The following LATS1 variants were observed in gnomAD, a reference collection of about 807,000 sequenced individuals.
The protein encoded by LATS1 is serine/threonine-protein kinase LATS1.
LATS1 carries 25 observed loss-of-function variants against 106.6 expected under a neutral mutation model. The observed-to-expected ratio is 0.23, with a 90% CI of 0.17 to 0.33. The LOEUF is 0.33. Among genes scored for constraint, LATS1 ranks in the 10% least tolerant of loss-of-function variants. LATS1 has a pLI of 1.00. For missense variants in LATS1, 1,040 were observed against 1,382.6 expected (o/e 0.75, Z 3.93); for synonymous variants, 465 against 455.6 (o/e 1.02, Z -0.26).
chr6:149,709,980 C>G (rs779459782), intron 1 of LATS1, among the ~76,000 whole-genome samples: 1 of 152,012 alleles, frequency 6.6e-6, no homozygotes, highest in Admixed American at 6.6e-5. Flanking sequence ...GCCCACAACC[C>G]CTTATCTTAA....
At chr6:149,693,707 T>C (rs545531536) in intron 3 of LATS1, among the ~76,000 whole-genome samples, 6 of 152,164 alleles carry the variant, frequency 3.9e-5, no homozygotes, top group Admixed American at 3.3e-4. Flanking sequence ...TAAGATGGTG[T>C]TTCCATAACC....
intron 5 of LATS1, among the ~76,000 whole-genome samples, chr6:149,679,330 T>C (rs950731801): frequency 6.6e-6 from 1 of 152,068 alleles, no homozygotes; most frequent in Non-Finnish European, 1.5e-5. Flanking sequence ...GACAGGTGGA[T>C]CACCTGAGGT....
At chr6:149,672,280 G>A (rs1253912990) in intron 7 of LATS1, among the ~76,000 whole-genome samples, 1 of 151,428 alleles carries the variant, frequency 6.6e-6, no homozygotes, top group Non-Finnish European at 1.5e-5. Context: ...CACAATCTTA[G>A]CTCACTGCAA....
At position 149,659,824 on chromosome 6, in the gene LATS1, AT is replaced by A. The variant is rs1393026617; in HGVS notation, c.*1904del. 3 of 225,864 alleles carry A rather than the reference AT, an allele frequency of 1.3e-5. No individual in the cohort carries two copies. In the East Asian group the frequency reaches 1.9e-4, roughly 15 times the overall value. The allele number at this position is 225,864 out of a possible 1,614,324, so 14.0% of individuals were successfully genotyped here. A position where few individuals can be genotyped will look rare whatever the true frequency, so the allele number is the denominator to read the frequency against. On this transcript the variant is annotated 3_prime_UTR_variant, in exon 8 of 8. Transcript: ENST00000543571. ...TTTCATGATAGCACATTGTTTTACAATTCTGATTAGAAATCCTTCAGAAATA... is the reference window on the plus strand; with the variant it reads ...TTTCATGATAGCACATTGTTTTACAATCTGATTAGAAATCCTTCAGAAATA...
At position 149,702,137 on chromosome 6, in the gene LATS1, A is replaced by T; in HGVS notation, c.-11T>A. On this transcript the variant is annotated 5_prime_UTR_variant, in exon 2 of 8. Coordinates refer to ENST00000543571, the MANE Select transcript of LATS1 (RefSeq NM_004690.4). The stretch of plus-strand genomic sequence containing the variant: ...TTCACTCCTCTTCATGAAAACATCT[A>T]TATATGTAGCCCACACGAAGGACTT... The T allele has an allele frequency of 6.4e-7, 1 of 1,558,006 alleles. No homozygotes were observed. Among genetic ancestry groups the T allele is most frequent in the Non-Finnish European group, 8.8e-7 (1 of 1,138,132 alleles).
At chr6:149,688,268 ACCT>A (rs1163299250) in intron 3 of LATS1, among the ~76,000 whole-genome samples, 2 of 150,888 alleles carry the variant, frequency 1.3e-5, no homozygotes, top group Non-Finnish European at 3.0e-5. Flanking sequence ...CTCTGAGATC[ACCT>A]CCTTTTTATT....
Position 149,717,970 on chromosome 6 carries a change from G to T in LATS1, c.-262C>A, listed in dbSNP as rs1253159237. The T allele has an allele frequency of 1.4e-5, 5 of 365,496 alleles. No homozygotes were observed. Among genetic ancestry groups the T allele is most frequent in the African/African-American group, 2.3e-5 (1 of 43,336 alleles). The allele number at this position is 365,496 out of a possible 1,614,324, so 22.6% of individuals were successfully genotyped here. On this transcript the variant is annotated 5_prime_UTR_variant, in exon 1 of 8. Transcript: ENST00000543571. ...GTGGGGCAGAGCGGGGAGACGAACG[G>T]GGGGGCTGCCGCGGGCCAGCGCGGC...
At chr6:149,663,378 G>T (rs913686177) in intron 7 of LATS1, among the ~76,000 whole-genome samples, 2 of 152,078 alleles carry the variant, frequency 1.3e-5, no homozygotes, top group Admixed American at 1.3e-4. Context: ...GCTACTTGAG[G>T]TGGGAGGATG....
chr6:149,672,817 G>A (rs1421529794), intron 7 of LATS1, among the ~76,000 whole-genome samples: 2 of 151,856 alleles, frequency 1.3e-5, no homozygotes, highest in East Asian at 1.9e-4. Flanking sequence ...GGTGGCGCAT[G>A]CCTGTAGTCT....
intron 2 of LATS1, among the ~76,000 whole-genome samples, chr6:149,700,743 T>C (rs1033459258): frequency 2.1e-5 from 1 of 48,340 alleles, no homozygotes; most frequent in African/African-American, 1.1e-4. Context: ...TAGGTAATAT[T>C]TTTGCAATCA....
intron 2 of LATS1, among the ~76,000 whole-genome samples, chr6:149,695,909 C>G (rs1562345539): frequency 6.7e-6 from 1 of 148,700 alleles, no homozygotes; most frequent in Admixed American, 6.7e-5. Flanking sequence ...ATTCTTTTTA[C>G]TTTTTTTTTT....
At chr6:149,672,050 A>T (rs1444386735) in intron 7 of LATS1, among the ~76,000 whole-genome samples, 1 of 151,416 alleles carries the variant, frequency 6.6e-6, no homozygotes, top group African/African-American at 2.4e-5. Context: ...AGCCACACCC[A>T]GCTAATTTTT....
At chr6:149,692,188 A>C (rs1260352757) in intron 3 of LATS1, among the ~76,000 whole-genome samples, 1 of 152,168 alleles carries the variant, frequency 6.6e-6, no homozygotes, top group East Asian at 1.9e-4. Flanking sequence ...CTTAGCATAA[A>C]ATTAATAAAC....
intron 7 of LATS1, among the ~76,000 whole-genome samples, chr6:149,671,700 T>C (rs1006185053): frequency 2.6e-5 from 4 of 151,984 alleles, no homozygotes; most frequent in African/African-American, 7.3e-5. Flanking sequence ...GATTTTGCTA[T>C]TCTACTTTCT....
At position 149,684,443 on chromosome 6, in the gene LATS1, ACAAAGGTCT is replaced by A; in HGVS notation, c.637_645del (p.Arg213_Leu215del). 6.2e-7 allele frequency: 1 copy of A among 1,614,088 alleles called. No homozygotes were observed. The stretch of plus-strand genomic sequence containing the variant: ...ACAAATGCTGATATACCAGATCCAG[ACAAAGGTCT>A]TCCTACATCTGTCTGTGAGTTGGGA... On this transcript the variant is annotated inframe_deletion, in exon 4 of 8. Coordinates refer to ENST00000543571, the MANE Select transcript of LATS1 (RefSeq NM_004690.4).
chr6:149,683,128 T>C lies in LATS1; in HGVS notation c.1961A>G (p.His654Arg), dbSNP rs1388766460. The C allele has an allele frequency of 1.9e-6, 3 of 1,611,350 alleles. No homozygotes were observed. Among genetic ancestry groups the C allele is most frequent in the Non-Finnish European group, 2.5e-6 (3 of 1,177,782 alleles). Residue 654 changes from histidine to arginine, a missense_variant, in exon 4 of 8, where the codon CAT becomes CGT. Physicochemically the swap from His to Arg is conservative, Grantham distance 29. This residue lies in a region of LATS1 where 167 missense variants were observed against 332.1 expected (regional missense o/e 0.50). Transcript: ENST00000543571. Reference protein sequence around the residue: ...EQHVENVLKSHQQRLHRKKQL... With the variant: ...EQHVENVLKSRQQRLHRKKQL... ...TTTTTTACGATGTAGACGCTGCTGA[T>C]GAGATTTGAGTACATTTTCTACATG...
chr6:149,676,845 T>C (rs977652977), intron 5 of LATS1, 108 bp from the exon 6 acceptor site: 10 of 961,270 alleles, frequency 1.0e-5, no homozygotes, highest in Non-Finnish European at 1.4e-5. Context: ...TTCTCCCTTG[T>C]GACAAACTAA....
rs567541793 is a variant in LATS1 at position 149,660,834 on chromosome 6, A to C, written c.*895T>G. The C allele has an allele frequency of 9.3e-6, 2 of 215,608 alleles. No homozygotes were observed. The highest frequency in any genetic ancestry group is 1.9e-4 in the South Asian group (1 of 5,358). 13.4% of individuals were successfully genotyped at this position (215,608 alleles called of 1,614,324 possible). On this transcript the variant is annotated 3_prime_UTR_variant, in exon 8 of 8. Transcript: ENST00000543571. ...ATATGCAGCACTGTTCTGAAAGAGG[A>C]AACAGGTAACATTGATGATATAATC...
chr6:149,708,838 T>C (rs1400094353), intron 1 of LATS1, among the ~76,000 whole-genome samples: 1 of 152,186 alleles, frequency 6.6e-6, no homozygotes, highest in Non-Finnish European at 1.5e-5. Flanking sequence ...CAAAACAGCC[T>C]AATAACATTG....
Sources: allele counts gnomAD v4.1 joint callset (sites outside exome capture counted in the v4.1 genomes callset), GRCh38; gene constraint gnomAD v4.1.1; regional missense constraint gnomAD v4.1.1; transcripts MANE v1.5; gene names NCBI Gene and HGNC (gene_info 2026-07-23, HGNC 2026-07-21).